The following PCDHGB7 variants were observed in gnomAD, a reference collection of about 807,000 sequenced individuals.
PCDHGB7 encodes protocadherin gamma subfamily B, 7.
A neutral mutation model predicts 61.4 loss-of-function variants in PCDHGB7; 37 were observed. The observed-to-expected ratio is 0.60, with a 90% CI of 0.46 to 0.79. The LOEUF (loss-of-function observed/expected upper bound fraction) is 0.79. Among genes scored for constraint, PCDHGB7 ranks in the 30% least tolerant of loss-of-function variants. The pLI, the probability that PCDHGB7 is intolerant of heterozygous loss-of-function variation, is 0.00. For synonymous variants in PCDHGB7, 464 were observed against 503.5 expected, an observed-to-expected ratio of 0.92 and a Z score of 1.05; for missense variants, 1,166 against 1,202.5, an observed-to-expected ratio of 0.97 and a Z score of 0.45.
In PCDHGB7 at chr5:141,432,039, G is replaced by A; in HGVS notation, c.2415+11765G>A. 1 of 1,614,176 alleles carries A rather than the reference G, an allele frequency of 6.2e-7. No individual in the cohort carries two copies. The highest frequency in any genetic ancestry group is 8.5e-7 in the Non-Finnish European group (1 of 1,180,028). ...AACATCACAGTGACCGCCACTGACC[G>A]GGGAACCCCGCCCCTATCCACGGAA... On this transcript the variant is annotated intron_variant, in intron 1 of 3. Coordinates refer to ENST00000398594, the MANE Select transcript of PCDHGB7 (RefSeq NM_018927.4). This position sits in a 1 kb window ranked among gnomAD's most constrained non-coding sequence, Gnocchi z 6.0.
intron 3 of PCDHGB7, among the ~76,000 whole-genome samples, chr5:141,509,004 G>A (rs2099873761): frequency 6.6e-6 from 1 of 152,072 alleles, no homozygotes; most frequent in South Asian, 2.1e-4. Context: ...AGGAGAGGAG[G>A]AAGTGGGCAG....
At chr5:141,460,985 ATATATATATATGTG>A (rs2099005673) in intron 1 of PCDHGB7, among the ~76,000 whole-genome samples, 1 of 91,766 alleles carries the variant, frequency 1.1e-5, no homozygotes, top group Non-Finnish European at 2.2e-5. Flanking sequence ...GTGTGTGTGT[ATATATATATATGTG>A]TATATATATA....
chr5:141,477,080 A>C lies in PCDHGB7; in HGVS notation c.2416-17727A>C. 1 of 1,614,254 alleles carries C rather than the reference A, an allele frequency of 6.2e-7. No homozygotes were observed. ...GGACACCAAACTCCATGAGATTTAC[A>C]TCCAGGCCAAAGACAAGGGCGCCAA... On this transcript the variant is annotated intron_variant, in intron 1 of 3. Coordinates refer to ENST00000398594, the MANE Select transcript of PCDHGB7 (RefSeq NM_018927.4). This position sits in a 1 kb window ranked among gnomAD's most constrained non-coding sequence, Gnocchi z 4.9.
chr5:141,427,982 G>T, intron 1 of PCDHGB7: 1 of 1,596,752 alleles, frequency 6.3e-7, no homozygotes, highest in African/African-American at 1.3e-5. Flanking sequence ...CCGCGCTGGG[G>T]CCCGATGGCT....
Position 141,431,344 on chromosome 5 carries a change from G to T in PCDHGB7, c.2415+11070G>T. On this transcript the variant is annotated intron_variant, in intron 1 of 3. Coordinates refer to ENST00000398594, the MANE Select transcript of PCDHGB7 (RefSeq NM_018927.4). This position sits in a 1 kb window ranked among gnomAD's most constrained non-coding sequence, Gnocchi z 4.8. ...ACGGTAGTAAGTACCCCGAATTGGT[G>T]CTGAAACGCGCCCTGGACCGCGAAG... 1 of 1,614,078 alleles carries T rather than the reference G, an allele frequency of 6.2e-7. No individual in the cohort carries two copies. The highest frequency in any genetic ancestry group is 1.3e-5 in the African/African-American group (1 of 75,068).
intron 3 of PCDHGB7, 99 bp from the exon 4 acceptor site, chr5:141,510,848 G>A: frequency 6.3e-7 from 1 of 1,596,080 alleles, no homozygotes. Flanking sequence ...TCAAGGCCCA[G>A]GGTGCTGTAT....
chr5:141,456,383 T>G (rs1372337704), intron 1 of PCDHGB7, among the ~76,000 whole-genome samples: 4 of 152,130 alleles, frequency 2.6e-5, no homozygotes, highest in Admixed American at 2.6e-4. Flanking sequence ...ACAGCACCGT[T>G]TGGAGTTTGA....
intron 1 of PCDHGB7, among the ~76,000 whole-genome samples, chr5:141,438,340 G>A (rs1348587719): frequency 6.6e-6 from 1 of 151,522 alleles, no homozygotes; most frequent in Non-Finnish European, 1.5e-5. Flanking sequence ...TGTCATATAA[G>A]GATCTACTCT....
chr5:141,432,663 G>A lies in PCDHGB7; in HGVS notation c.2415+12389G>A. ...CGCACGGCGCGAGCCCTGCTGGACA[G>A]AGACGCGCTCAAGCAGAGCCTCGTA... On this transcript the variant is annotated intron_variant, in intron 1 of 3. Coordinates refer to ENST00000398594, the MANE Select transcript of PCDHGB7 (RefSeq NM_018927.4). This position sits in a 1 kb window ranked among gnomAD's most constrained non-coding sequence, Gnocchi z 6.0. 1 of 1,613,886 alleles carries A rather than the reference G, an allele frequency of 6.2e-7. No individual in the cohort carries two copies. Among genetic ancestry groups the A allele is most frequent in the Non-Finnish European group, 8.5e-7 (1 of 1,179,952 alleles).
intron 1 of PCDHGB7, among the ~76,000 whole-genome samples, chr5:141,454,172 CAGCTAAAGG>C (rs1351117555): frequency 6.6e-6 from 1 of 152,126 alleles, no homozygotes; most frequent in Admixed American, 6.5e-5. Context: ...TCTAGAAGGG[CAGCTAAAGG>C]AGCTTAGTGA....
chr5:141,454,893 C>T (rs1414320972), intron 1 of PCDHGB7, among the ~76,000 whole-genome samples: 7 of 146,892 alleles, frequency 4.8e-5, no homozygotes, highest in Admixed American at 1.4e-4. Flanking sequence ...CTGCTAGCAC[C>T]GCCTCCCGGG....
chr5:141,422,433 T>C, intron 1 of PCDHGB7: 2 of 1,609,628 alleles, frequency 1.2e-6, no homozygotes. Context: ...ATGGAAATTA[T>C]TACAAATTGA....
chr5:141,421,997 G>A, intron 1 of PCDHGB7: 1 of 1,609,178 alleles, frequency 6.2e-7, no homozygotes. Flanking sequence ...GAAAACATCA[G>A]CTCCGGAACT....
intron 1 of PCDHGB7, chr5:141,441,971 G>A: frequency 3.3e-6 from 1 of 298,820 alleles, no homozygotes; most frequent in Non-Finnish European, 6.5e-6. Flanking sequence ...AGGCTCTTCA[G>A]CCTGGAATGC....
In PCDHGB7 at chr5:141,451,946, G is replaced by A. The variant is rs146934262; in HGVS notation, c.2415+31672G>A. On this transcript the variant is annotated intron_variant, in intron 1 of 3. Coordinates refer to ENST00000398594, the MANE Select transcript of PCDHGB7 (RefSeq NM_018927.4). ...GGAGGTAGGGAGGCAGGGAAAGACC[G>A]AGAAAGTGACATACCATCATTTTTG... Among the ~76,000 whole-genome samples, 240 of 152,218 alleles carry A rather than the reference G, an allele frequency of 1.6e-3. 1 individual carries two copies. Among genetic ancestry groups the A allele is most frequent in the Non-Finnish European group, 2.9e-3 (195 of 68,026 alleles).
At chr5:141,422,127 A>G (rs779974245) in intron 1 of PCDHGB7, 1 of 1,600,944 alleles carries the variant, frequency 6.2e-7, no homozygotes. Context: ...CACAAACTGG[A>G]GAAGTTCAAG....
At position 141,489,425 on chromosome 5, in the gene PCDHGB7, G is replaced by C. The variant is rs779739693; in HGVS notation, c.2416-5382G>C. On this transcript the variant is annotated intron_variant, in intron 1 of 3. Transcript: ENST00000398594. This position sits in a 1 kb window ranked among gnomAD's most constrained non-coding sequence, Gnocchi z 4.5. ...TTAAAGATGACAGATCTGTTGAGCC[G>C]GCGGCTGCAATTGGGCTCTGAGGAG... The C allele has an allele frequency of 4.3e-6, 7 of 1,614,118 alleles. No individual in the cohort carries two copies. The highest frequency in any genetic ancestry group is 1.1e-5 in the South Asian group (1 of 91,070).
At chr5:141,449,521 G>A (rs1238503983) in intron 1 of PCDHGB7, among the ~76,000 whole-genome samples, 4 of 150,262 alleles carry the variant, frequency 2.7e-5, no homozygotes, top group African/African-American at 9.8e-5. Flanking sequence ...CCTGGGAGGC[G>A]GAGGTTGCAG....
Position 141,432,098 on chromosome 5 carries a change from G to A in PCDHGB7, c.2415+11824G>A. 1.2e-6 allele frequency: 2 copies of A among 1,614,056 alleles called. No homozygotes were observed. Among genetic ancestry groups the A allele is most frequent in the Non-Finnish European group, 1.7e-6 (2 of 1,180,002 alleles). ...CTCGCTGAACGTGGCAGACACCAAC[G>A]ACAACCCGCCGGTCTTCCCTCAGGC... On this transcript the variant is annotated intron_variant, in intron 1 of 3. Transcript: ENST00000398594. The surrounding 1 kb of genome is among the most constrained non-coding windows in gnomAD (Gnocchi z 6.0).
Sources: gnomAD v4.1 joint callset for allele counts (sites outside exome capture counted in the v4.1 genomes callset) on GRCh38, gnomAD v4.1.1 for gene constraint, Gnocchi (gnomAD v3.1) non-coding constraint, MANE v1.5 for transcripts, NCBI Gene and HGNC (gene_info 2026-07-23, HGNC 2026-07-21) for gene names.